The following RAB40B variants were observed in gnomAD, a reference collection of about 807,000 sequenced individuals.
RAB40B encodes ras-related protein Rab-40B.
In RAB40B, 21 loss-of-function variants were observed where a neutral mutation model predicts 24.0. The observed-to-expected ratio is 0.88, with a 90% CI of 0.62 to 1.26. The LOEUF (loss-of-function observed/expected upper bound fraction) is 1.26, where lower values mean the gene tolerates loss of function less well. Ranked by LOEUF, RAB40B falls within the 50% of genes most tolerant of loss-of-function variation. The pLI is 0.00. For missense variants in RAB40B, 348 were observed against 390.5 expected (o/e 0.89, Z 0.92); for synonymous variants, 167 against 169.8 (o/e 0.98, Z 0.13).
chr17:82,668,927 A>G (rs1194474938), intron 1 of RAB40B, among the ~76,000 whole-genome samples: 1 of 152,242 alleles, frequency 6.6e-6, no homozygotes, highest in African/African-American at 2.4e-5. Context: ...TAGCACCAGG[A>G]GCTTGACCTC....
At chr17:82,662,829 G>A (rs1409524978) in intron 2 of RAB40B, 4 of 985,242 alleles carry the variant, frequency 4.1e-6, no homozygotes, top group East Asian at 1.1e-4. Context: ...AAGGTGAGCA[G>A]CCAGACCCGG....
At chr17:82,688,505 C>T (rs1043846047) in intron 1 of RAB40B, among the ~76,000 whole-genome samples, 2 of 152,038 alleles carry the variant, frequency 1.3e-5, no homozygotes, top group Non-Finnish European at 2.9e-5. Flanking sequence ...ATCCCAGCTA[C>T]TCAGGAGGCT....
intron 5 of RAB40B, 83 bp downstream of exon 5, chr17:82,658,408 G>A (rs2143439894): frequency 6.8e-7 from 1 of 1,467,242 alleles, no homozygotes; most frequent in Non-Finnish European, 9.4e-7. Flanking sequence ...GGTCCCGGGA[G>A]GCAGACACTT....
At chr17:82,676,080 C>T (rs73357200) in intron 1 of RAB40B, among the ~76,000 whole-genome samples, 20,275 of 152,076 alleles carry the variant, frequency 0.13, 1,426 homozygotes, top group South Asian at 0.16. Context: ...CCATCTCCCC[C>T]GGGTCTCCGT....
chr17:82,694,689 C>T (rs1360343657), intron 1 of RAB40B, among the ~76,000 whole-genome samples: 1 of 151,712 alleles, frequency 6.6e-6, no homozygotes, highest in Non-Finnish European at 1.5e-5. Flanking sequence ...CTCAGAAATT[C>T]ATGAAGGGAA....
At position 82,659,378 on chromosome 17, in the gene RAB40B, C is replaced by G. The variant is rs568292774; in HGVS notation, c.342+202G>C. 1,204 of 578,394 alleles carry G rather than the reference C, an allele frequency of 2.1e-3. 22 individuals are homozygous for G. The highest frequency in any genetic ancestry group is 0.014 in the South Asian group (689 of 48,102). 35.8% of individuals were successfully genotyped at this position (578,394 alleles called of 1,614,324 possible). A position where few individuals can be genotyped will look rare whatever the true frequency, so the allele number is the denominator to read the frequency against. On this transcript the variant is annotated intron_variant, in intron 4 of 5. Coordinates refer to ENST00000571995, the MANE Select transcript of RAB40B (RefSeq NM_006822.3). ...GTTTCGTCTGGACCAGCTTCCTGAG[C>G]TTTCGTGATTGTAGCTATCACCAAA...
At chr17:82,674,304 A>G (rs1324498991) in intron 1 of RAB40B, among the ~76,000 whole-genome samples, 1 of 149,970 alleles carries the variant, frequency 6.7e-6, no homozygotes, top group Non-Finnish European at 1.5e-5. Context: ...GCGCCATTGC[A>G]CTCCAGCCTG....
Position 82,670,178 on chromosome 17 carries a change from C to CTT in RAB40B, c.143-5624_143-5623dup, listed in dbSNP as rs71168131. On this transcript the variant is annotated intron_variant, in intron 1 of 5. Transcript: ENST00000571995. ...TGACCTGTCCTTGAGGGCCAACAAT[C>CTT]TTTTTTTTTTTTTTTTTTTTTTTTT... 8.7e-3 allele frequency among the ~76,000 whole-genome samples: 704 copies of CTT among 81,280 alleles called. 2 individuals are homozygous for CTT. The highest frequency in any genetic ancestry group is 0.012 in the African/African-American group (244 of 20,864). The allele number at this position is 81,280 out of a possible 152,430, so 53.3% of individuals were successfully genotyped here.
chr17:82,658,330 G>T, intron 5 of RAB40B, 161 bp downstream of exon 5: 1 of 1,069,368 alleles, frequency 9.4e-7, no homozygotes, highest in Non-Finnish European at 1.3e-6. Flanking sequence ...TGAGCTTTCT[G>T]ACAAAGCTGT....
chr17:82,684,077 T>G lies in RAB40B; in HGVS notation c.142+14378A>C, dbSNP rs189861117. On this transcript the variant is annotated intron_variant, in intron 1 of 5. Transcript: ENST00000571995. ...CTCTACTAAAAATACAAAAATTAGC[T>G]GGGTGTGGTGGCAGGCACCTGTAAT... is the stretch of plus-strand genomic sequence containing the variant. Among the ~76,000 whole-genome samples the G allele has an allele frequency of 2.7e-4, 41 of 151,762 alleles. No individual in the cohort carries two copies. In the East Asian group the frequency reaches 7.4e-3, roughly 27 times the overall value.
At chr17:82,659,339 C>T (rs56058624) in intron 4 of RAB40B, 88,748 of 521,926 alleles carry the variant, frequency 0.17, 8,614 homozygotes, top group East Asian at 0.23. Context: ...AGCCGAGGTA[C>T]GCCGTGGACG....
At chr17:82,674,897 A>G (rs2248467) in intron 1 of RAB40B, among the ~76,000 whole-genome samples, 1 of 151,818 alleles carries the variant, frequency 6.6e-6, no homozygotes, top group African/African-American at 2.4e-5. Flanking sequence ...AACACGAGAT[A>G]ATCCTGACGG....
At chr17:82,673,323 G>A (rs569909877) in intron 1 of RAB40B, among the ~76,000 whole-genome samples, 3 of 152,212 alleles carry the variant, frequency 2.0e-5, no homozygotes, top group South Asian at 2.1e-4. Context: ...ATCTGCTCTC[G>A]GTACCTGCAA....
intron 4 of RAB40B, 172 bp from the exon 5 acceptor site, chr17:82,658,885 G>C (rs922951999): frequency 3.3e-6 from 2 of 614,678 alleles, no homozygotes; most frequent in African/African-American, 3.7e-5. Context: ...TAGTTACGGT[G>C]CGGCCGCACT....
chr17:82,686,158 C>T (rs569302347), intron 1 of RAB40B, among the ~76,000 whole-genome samples: 1 of 142,104 alleles, frequency 7.0e-6, no homozygotes, highest in Admixed American at 7.4e-5. Flanking sequence ...AGGCTGGAGG[C>T]TGGAGTGCAG....
intron 1 of RAB40B, among the ~76,000 whole-genome samples, chr17:82,665,765 G>A (rs906358602): frequency 6.6e-6 from 1 of 151,980 alleles, no homozygotes; most frequent in Non-Finnish European, 1.5e-5. Flanking sequence ...TAGTAGGGAG[G>A]CTGAGGCAGG....
Position 82,698,458 on chromosome 17 carries a change from C to A in RAB40B, c.139G>T (p.Ala47Ser). The A allele has an allele frequency of 6.8e-7, 1 of 1,464,688 alleles. No individual in the cohort carries two copies. 90.7% of individuals were successfully genotyped at this position (1,464,688 alleles called of 1,614,324 possible). Residue 47 changes from alanine (A) to serine (S), a missense_variant, in exon 1 of 6, where the codon GCG becomes TCG. By Grantham distance (99) the Ala-to-Ser change is moderately conservative. Coordinates refer to ENST00000571995, the MANE Select transcript of RAB40B (RefSeq NM_006822.3). ...GAAESPYGHP[A>S]GIDYKTTTIL... ...CACGCCCTCCGCCCGCGCTCACCCG[C>A]CGGGTGGCCGTACGGGGACTCGGCC...
At chr17:82,689,546 G>A (rs2046534765) in intron 1 of RAB40B, among the ~76,000 whole-genome samples, 2 of 152,244 alleles carry the variant, frequency 1.3e-5, no homozygotes, top group Admixed American at 1.3e-4. Context: ...CACAGGCGAG[G>A]TGGGGCCGAA....
chr17:82,696,419 T>A (rs78926345), intron 1 of RAB40B: 4,694 of 153,058 alleles, frequency 0.031, 240 homozygotes, highest in African/African-American at 0.11. Context: ...GTCAACCGTC[T>A]GCTCCCCCAA....
Sources: allele counts gnomAD v4.1 joint callset (sites outside exome capture counted in the v4.1 genomes callset), GRCh38; gene constraint gnomAD v4.1.1; transcripts MANE v1.5; gene names NCBI Gene and HGNC (gene_info 2026-07-23, HGNC 2026-07-21).